Variants in FAM222B observed in about 807,000 individuals in gnomAD.
FAM222B encodes the protein family with sequence similarity 222 member B.
A neutral mutation model predicts 38.0 loss-of-function variants in FAM222B; 12 were observed. That is an observed-to-expected ratio of 0.32 (90% CI 0.20 to 0.51). The LOEUF (loss-of-function observed/expected upper bound fraction) is 0.51, where lower values mean the gene tolerates loss of function less well. Ranked by LOEUF, FAM222B falls within the 20% of genes least tolerant of loss-of-function variation. FAM222B has a pLI of 0.97. For synonymous variants in FAM222B, 329 were observed against 317.2 expected (o/e 1.04, Z -0.40); for missense variants, 716 against 754.2 (o/e 0.95, Z 0.59).
At chr17:28,778,528 G>C (rs965605715) in intron 1 of FAM222B, among the ~76,000 whole-genome samples, 2 of 137,406 alleles carry the variant, frequency 1.5e-5, no homozygotes, top group Non-Finnish European at 3.1e-5. Context: ...TTTTGAGACA[G>C]GGCCTCCTTC....
chr17:28,830,963 T>C (rs2038646432), intron 1 of FAM222B, among the ~76,000 whole-genome samples: 1 of 151,238 alleles, frequency 6.6e-6, no homozygotes, highest in Non-Finnish European at 1.5e-5. Context: ...CAAATATCAA[T>C]AGCCATACTT....
chr17:28,830,707 C>G (rs956586765), intron 1 of FAM222B, among the ~76,000 whole-genome samples: 4 of 151,244 alleles, frequency 2.6e-5, no homozygotes, highest in Non-Finnish European at 5.9e-5. Context: ...TAGTTTAGGC[C>G]GGGCATGGTG....
chr17:28,759,237 T>C lies in FAM222B; in HGVS notation c.722A>G (p.Asn241Ser). 1 of 1,613,428 alleles carries C rather than the reference T, an allele frequency of 6.2e-7. No homozygotes were observed. The highest frequency in any genetic ancestry group is 1.3e-5 in the African/African-American group (1 of 74,950). Residue 241 changes from asparagine to serine, a missense_variant, in exon 3 of 3, where the codon AAT (asparagine) becomes AGT (serine). Transcript: ENST00000581407. This position sits in a 1 kb window ranked among gnomAD's most constrained non-coding sequence, Gnocchi z 4.8. Reference sequence around the variant, plus strand: ...GATAGTTGAGGTAGACACGGTCACATTCGGGGGGGCATCTGAGTCTGGCAT... The same window carrying C: ...GATAGTTGAGGTAGACACGGTCACACTCGGGGGGGCATCTGAGTCTGGCAT... ...RKMPDSDAPP[N>S]VTVSTSTIPL... is the part of the protein sequence containing the mutation.
intron 1 of FAM222B, among the ~76,000 whole-genome samples, chr17:28,828,519 T>A (rs553400871): frequency 2.0e-5 from 3 of 150,812 alleles, no homozygotes; most frequent in African/African-American, 7.3e-5. Context: ...CAGTGAACTG[T>A]GATTGTGCCA....
chr17:28,774,553 C>A (rs915293006), intron 1 of FAM222B, among the ~76,000 whole-genome samples: 1 of 152,164 alleles, frequency 6.6e-6, no homozygotes, highest in Non-Finnish European at 1.5e-5. Context: ...AATTAAGGAA[C>A]AAACCTTTTT....
At position 28,759,692 on chromosome 17, in the gene FAM222B, G is replaced by A. The variant is rs752533801; in HGVS notation, c.267C>T (p.Ser89=). 1 of 1,613,718 alleles carries A rather than the reference G, an allele frequency of 6.2e-7. No individual in the cohort carries two copies. Among genetic ancestry groups the A allele is most frequent in the Non-Finnish European group, 8.5e-7 (1 of 1,179,792 alleles). ...TGGTGGCAGCCTGTGTCGGGTAGGG[G>A]CTGTAGCGCTGGGCTGATGTGTCGA... ...NGLDTSAQRY[S]PYPTQAATKA... Residue 89 remains serine, a synonymous_variant, in exon 3 of 3, where the codon AGC becomes AGT. Transcript: ENST00000581407. The surrounding 1 kb of genome is among the most constrained non-coding windows in gnomAD (Gnocchi z 4.8).
At chr17:28,846,607 T>G (rs1320001698), upstream of FAM222B, among the ~76,000 whole-genome samples, 1 of 151,874 alleles carries the variant, frequency 6.6e-6, no homozygotes, top group Non-Finnish European at 1.5e-5. Flanking sequence ...AGGCGGAGGT[T>G]GCAGTGAGAT....
At chr17:28,830,839 TAAAA>T (rs1269802299) in intron 1 of FAM222B, among the ~76,000 whole-genome samples, 1 of 151,056 alleles carries the variant, frequency 6.6e-6, no homozygotes, top group East Asian at 1.9e-4. Flanking sequence ...AAAAATAAAA[TAAAA>T]TAAAGTTAAA....
Position 28,815,527 on chromosome 17 carries a change from T to C in FAM222B, c.-41+27155A>G, listed in dbSNP as rs560313597. On this transcript the variant is annotated intron_variant, in intron 1 of 2. Transcript: ENST00000581407. The stretch of plus-strand genomic sequence containing the variant: ...CCGTGCCCGGCCTTTATTACATCTT[T>C]TAAAAAATAAAAAAGCGGGCCAGGT... Among the ~76,000 whole-genome samples, 12 of 150,224 alleles carry C rather than the reference T, an allele frequency of 8.0e-5. No individual in the cohort carries two copies. In the East Asian group the frequency reaches 2.5e-3, roughly 31 times the overall value.
At chr17:28,853,941 CTTTTT>C (rs34393247) in intron 1 of FAM222B, among the ~76,000 whole-genome samples, 4 of 119,978 alleles carry the variant, frequency 3.3e-5, no homozygotes, top group African/African-American at 6.5e-5. Flanking sequence ...ATCTCTGTTT[CTTTTT>C]TTTTTTTTTT....
At chr17:28,801,286 T>G (rs2037210691) in intron 1 of FAM222B, among the ~76,000 whole-genome samples, 1 of 150,436 alleles carries the variant, frequency 6.6e-6, no homozygotes, top group Non-Finnish European at 1.5e-5. Flanking sequence ...ACCCCGTCTC[T>G]ACTAAAAATA....
intron 1 of FAM222B, among the ~76,000 whole-genome samples, chr17:28,787,160 G>A (rs562366843): frequency 3.3e-5 from 5 of 152,114 alleles, no homozygotes; most frequent in African/African-American, 1.2e-4. Flanking sequence ...TCCTGACCTC[G>A]TGATCCACCC....
intron 1 of FAM222B, among the ~76,000 whole-genome samples, chr17:28,817,376 G>A (rs185854465): frequency 1.1e-4 from 16 of 150,642 alleles, no homozygotes; most frequent in African/African-American, 3.4e-4. Flanking sequence ...TCGCACCACT[G>A]AACTCCAGCC....
Position 28,759,294 on chromosome 17 carries a change from G to GGGT in FAM222B, c.662_664dup (p.His221dup). The GGGT allele has an allele frequency of 6.2e-7, 1 of 1,612,648 alleles. No homozygotes were observed. The highest frequency in any genetic ancestry group is 8.5e-7 in the Non-Finnish European group (1 of 1,179,434). ...GCCTCCATGCAGCAAGGGATTGTGG[G>GGGT]GGTGCTGGAGACCCTGGTGAGCCAG... On this transcript the variant is annotated inframe_insertion, in exon 3 of 3. Coordinates refer to ENST00000581407, the MANE Select transcript of FAM222B (RefSeq NM_001077498.3). This position sits in a 1 kb window ranked among gnomAD's most constrained non-coding sequence, Gnocchi z 4.8.
rs928778957 is a variant in FAM222B, at chr17:28,850,475, T to C, written c.-41+4475A>G. Reference sequence around the variant, plus strand: ...TGACACCACGCCCGGCTTTTTTGTATTTTTAGTAGAGACAGAGTTTCACCG... The same window carrying C: ...TGACACCACGCCCGGCTTTTTTGTACTTTTAGTAGAGACAGAGTTTCACCG... On this transcript the variant is annotated intron_variant, in intron 1 of 2. Coordinates refer to the FAM222B transcript ENST00000577513. 2.6e-5 allele frequency among the ~76,000 whole-genome samples: 4 copies of C among 151,952 alleles called. No homozygotes were observed. In the South Asian group the frequency reaches 6.2e-4, roughly 24 times the overall value.
At chr17:28,812,734 T>C (rs1286950627) in intron 1 of FAM222B, among the ~76,000 whole-genome samples, 1 of 151,670 alleles carries the variant, frequency 6.6e-6, no homozygotes, top group African/African-American at 2.4e-5. Context: ...CTGCGCCCCT[T>C]TGCACCCCTT....
At chr17:28,810,180 T>A (rs1233984498) in intron 1 of FAM222B, among the ~76,000 whole-genome samples, 1 of 151,842 alleles carries the variant, frequency 6.6e-6, no homozygotes, top group Admixed American at 6.6e-5. Context: ...TATGTTTTGG[T>A]AGAGACGGGG....
intron 1 of FAM222B, among the ~76,000 whole-genome samples, chr17:28,770,335 G>T (rs550100897): frequency 6.6e-6 from 1 of 152,274 alleles, no homozygotes; most frequent in East Asian, 1.9e-4. Context: ...ATCTATTAAT[G>T]ATGGCAGAGC....
At chr17:28,831,855 C>G (rs2038678584) in intron 1 of FAM222B, among the ~76,000 whole-genome samples, 1 of 151,948 alleles carries the variant, frequency 6.6e-6, no homozygotes, top group Non-Finnish European at 1.5e-5. Flanking sequence ...AAAGTGTCTA[C>G]TTTTAAGTAG....
Sources: gnomAD v4.1 joint callset for allele counts (sites outside exome capture counted in the v4.1 genomes callset) on GRCh38, gnomAD v4.1.1 for gene constraint, Gnocchi (gnomAD v3.1) non-coding constraint, MANE v1.5 for transcripts, NCBI Gene and HGNC (gene_info 2026-07-23, HGNC 2026-07-21) for gene names.